The following CADPS2 variants were observed in gnomAD, a reference collection of about 807,000 sequenced individuals.
CADPS2 encodes the protein calcium dependent secretion activator 2, also known as calcium-dependent secretion activator 2.
A neutral mutation model predicts 172.5 loss-of-function variants in CADPS2; 93 were observed. That is an observed-to-expected ratio of 0.54 (90% CI 0.46 to 0.64). CADPS2 has a LOEUF of 0.64. Ranked by LOEUF, CADPS2 falls within the 30% of genes least tolerant of loss-of-function variation. CADPS2 has a pLI of 0.00. For missense variants in CADPS2, 1,420 were observed against 1,565.9 expected (o/e 0.91, Z 1.57); for synonymous variants, 546 against 555.2 (o/e 0.98, Z 0.23).
intron 2 of CADPS2, among the ~76,000 whole-genome samples, chr7:122,709,015 T>C (rs1333107635): frequency 6.6e-6 from 1 of 152,062 alleles, no homozygotes; most frequent in East Asian, 1.9e-4. Flanking sequence ...TGGATTTTTG[T>C]TTGAGGCAGT....
chr7:122,681,509 C>T, intron 2 of CADPS2: 1 of 1,465,076 alleles, frequency 6.8e-7, no homozygotes, highest in Non-Finnish European at 9.4e-7. Flanking sequence ...ATGTGCTTCC[C>T]AAGCTGTATG....
chr7:122,737,175 C>A lies in CADPS2; in HGVS notation c.340-107G>T. On this transcript the variant is annotated intron_variant, in intron 1 of 29. Transcript: ENST00000449022. ...TATTAGATTTCACATCTAGAATTAACTTTATAGTAAAGAAAAATAAAAGCT... is the reference window on the plus strand; with the variant it reads ...TATTAGATTTCACATCTAGAATTAAATTTATAGTAAAGAAAAATAAAAGCT... 6 of 618,938 alleles carry A rather than the reference C, an allele frequency of 9.7e-6. No homozygotes were observed. The South Asian group carries it at 1.2e-4, about 12-fold the overall frequency. 38.3% of individuals were successfully genotyped at this position (618,938 alleles called of 1,614,324 possible).
At chr7:122,480,425 T>C (rs1412945486) in intron 12 of CADPS2, among the ~76,000 whole-genome samples, 2 of 152,120 alleles carry the variant, frequency 1.3e-5, no homozygotes, top group Admixed American at 1.3e-4. Flanking sequence ...AAAGAAAAGA[T>C]ATAGAAGAAA....
intron 9 of CADPS2, among the ~76,000 whole-genome samples, chr7:122,495,505 A>G (rs148948394): frequency 3.6e-4 from 55 of 152,318 alleles, no homozygotes; most frequent in African/African-American, 1.2e-3. Context: ...ATGCTTAACC[A>G]TCTTGATATA....
chr7:122,859,286 A>G (rs562324622), intron 1 of CADPS2, among the ~76,000 whole-genome samples: 1 of 152,336 alleles, frequency 6.6e-6, no homozygotes, highest in South Asian at 2.1e-4. Flanking sequence ...CATCTGTTGA[A>G]AAGAATTGGA....
At chr7:122,760,563 T>C (rs964489576) in intron 1 of CADPS2, among the ~76,000 whole-genome samples, 9 of 151,914 alleles carry the variant, frequency 5.9e-5, no homozygotes, top group Non-Finnish European at 1.3e-4. Context: ...CCCTAGTTAA[T>C]ACCAAAGAAT....
At position 122,579,315 on chromosome 7, in the gene CADPS2, C is replaced by A. The variant is rs146135921; in HGVS notation, c.1335+1864G>T. On this transcript the variant is annotated intron_variant, in intron 7 of 29. Transcript: ENST00000449022. ...CATAAAATATACAAAAAAGCACCTGCCAACAAAGAATTACCCTGCTCAAAA... is the reference window on the plus strand; with the variant it reads ...CATAAAATATACAAAAAAGCACCTGACAACAAAGAATTACCCTGCTCAAAA... Among the ~76,000 whole-genome samples the A allele has an allele frequency of 3.1e-3, 470 of 151,486 alleles. 16 individuals are homozygous for A. The highest frequency in any genetic ancestry group is 5.3e-4 in the Non-Finnish European group (36 of 67,864).
At chr7:122,836,238 T>C (rs970884823) in intron 1 of CADPS2, among the ~76,000 whole-genome samples, 42 of 152,032 alleles carry the variant, frequency 2.8e-4, no homozygotes, top group African/African-American at 1.0e-3. Flanking sequence ...ATAAGAGATT[T>C]TGTCACCACC....
At position 122,615,777 on chromosome 7, in the gene CADPS2, A is replaced by G. The variant is rs540303440; in HGVS notation, c.1105-478T>C. Among the ~76,000 whole-genome samples, 546 of 152,222 alleles carry G rather than the reference A, an allele frequency of 3.6e-3. 6 individuals carry two copies. The highest frequency in any genetic ancestry group is 0.013 in the African/African-American group (522 of 41,562). On this transcript the variant is annotated intron_variant, in intron 5 of 29. Coordinates refer to ENST00000449022, the MANE Select transcript of CADPS2 (RefSeq NM_017954.11). ...CAATATGTGATATCAGAAATTTTCT[A>G]TATTCACTTATTTGAGATTACTATT...
chr7:122,813,208 C>A (rs1043127527), intron 1 of CADPS2, among the ~76,000 whole-genome samples: 19 of 152,204 alleles, frequency 1.2e-4, no homozygotes, highest in African/African-American at 4.6e-4. Context: ...CTTTGACCCT[C>A]CCTGCAAGAA....
chr7:122,399,029 T>A (rs1347123338), intron 20 of CADPS2, among the ~76,000 whole-genome samples: 1 of 152,112 alleles, frequency 6.6e-6, no homozygotes, highest in Non-Finnish European at 1.5e-5. Context: ...TTAACTAGTA[T>A]AATAACCCCT....
intron 25 of CADPS2, among the ~76,000 whole-genome samples, chr7:122,373,557 G>A (rs1266836952): frequency 6.6e-6 from 1 of 152,104 alleles, no homozygotes; most frequent in Non-Finnish European, 1.5e-5. Context: ...TTTCTAGCTG[G>A]GGTGAGTGAT....
intron 24 of CADPS2, among the ~76,000 whole-genome samples, chr7:122,385,609 TA>T (rs965370367): frequency 2.0e-5 from 3 of 152,056 alleles, no homozygotes; most frequent in Admixed American, 6.6e-5. Context: ...CCTTTACGCA[TA>T]AAGGTTTTCT....
chr7:122,442,752 C>T (rs927529040), intron 15 of CADPS2, among the ~76,000 whole-genome samples: 11 of 151,824 alleles, frequency 7.2e-5, no homozygotes, highest in African/African-American at 2.4e-4. Context: ...CACACAGATG[C>T]AAATAAATGT....
At chr7:122,441,642 G>C in intron 15 of CADPS2, 67 bp from the exon 16 acceptor site, 1 of 969,102 alleles carries the variant, frequency 1.0e-6, no homozygotes, top group Non-Finnish European at 1.5e-6. Flanking sequence ...AATAATTCCT[G>C]CTTGTATTAC....
At chr7:122,645,660 T>TAG (rs1310382162) in intron 3 of CADPS2, among the ~76,000 whole-genome samples, 22 of 33,666 alleles carry the variant, frequency 6.5e-4, no homozygotes, top group Non-Finnish European at 1.8e-3. Flanking sequence ...ATCTCTAAGA[T>TAG]ATATATATAT....
chr7:122,710,359 T>C (rs986478518), intron 2 of CADPS2, among the ~76,000 whole-genome samples: 1 of 152,034 alleles, frequency 6.6e-6, no homozygotes, highest in Non-Finnish European at 1.5e-5. Flanking sequence ...AACATGAGCA[T>C]AGAGACATCA....
intron 6 of CADPS2, among the ~76,000 whole-genome samples, chr7:122,605,207 AGTGAGTAAGTG>A (rs1217874691): frequency 6.6e-6 from 1 of 152,162 alleles, no homozygotes; most frequent in African/African-American, 2.4e-5. Context: ...TAGGTGAGTC[AGTGAGTAAGTG>A]GTGAGTAAAT....
chr7:122,834,510 A>G (rs1807656359), intron 1 of CADPS2, among the ~76,000 whole-genome samples: 2 of 152,162 alleles, frequency 1.3e-5, no homozygotes, highest in African/African-American at 2.4e-5. Context: ...GGGGAGCACA[A>G]GGGGTAAGGG....
Sources: gnomAD v4.1 joint callset for allele counts (sites outside exome capture counted in the v4.1 genomes callset) on GRCh38, gnomAD v4.1.1 for gene constraint, MANE v1.5 for transcripts, NCBI Gene and HGNC (gene_info 2026-07-23, HGNC 2026-07-21) for gene names.